KDM4C: variants seen among roughly 807,000 people sequenced by gnomAD.
KDM4C encodes the protein lysine-specific demethylase 4C.
KDM4C carries 81 observed loss-of-function variants against 129.3 expected under a neutral mutation model. The observed-to-expected ratio is 0.63, with a 90% confidence interval of 0.52 to 0.75. The LOEUF (loss-of-function observed/expected upper bound fraction) is 0.75. Among genes scored for constraint, KDM4C ranks in the 30% least tolerant of loss-of-function variants. KDM4C has a pLI of 0.00. For synonymous variants in KDM4C, 573 were observed against 456.1 expected (o/e 1.26, Z -3.26); for missense variants, 1,457 against 1,304.0 (o/e 1.12, Z -1.81).
chr9:7,172,241 C>T lies in KDM4C; in HGVS notation c.2995-2312C>T, dbSNP rs547480584. Among the ~76,000 whole-genome samples the T allele has an allele frequency of 1.3e-4, 20 of 152,262 alleles. No individual in the cohort carries two copies. The East Asian group carries it at 3.7e-3, about 28-fold the overall frequency. On this transcript the variant is annotated intron_variant, in intron 21 of 21. Coordinates refer to ENST00000381309, the MANE Select transcript of KDM4C (RefSeq NM_015061.6). ...TTCGGCTCACCCAGACACACGCTGA[C>T]TGGGGGAGAAACTGTTCAAAAGAGC...
Position 7,149,041 on chromosome 9 carries a change from C to A in KDM4C, c.2782-16197C>A, listed in dbSNP as rs183448336. On this transcript the variant is annotated intron_variant, in intron 19 of 21. Transcript: ENST00000381309. Reference sequence around the variant, plus strand: ...CCCATCCCTCCTAATAACCTGTCTGCCTTTTGCCGTCATCAACTGCCACTT... The same window carrying A: ...CCCATCCCTCCTAATAACCTGTCTGACTTTTGCCGTCATCAACTGCCACTT... Among the ~76,000 whole-genome samples, 133 of 152,232 alleles carry A rather than the reference C, an allele frequency of 8.7e-4. 2 individuals are homozygous for A. The highest frequency in any genetic ancestry group is 3.0e-3 in the African/African-American group (125 of 41,476).
Position 6,907,297 on chromosome 9 carries a change from C to T in KDM4C, c.921+14065C>T, listed in dbSNP as rs114232969. 4.1e-3 allele frequency among the ~76,000 whole-genome samples: 627 copies of T among 152,198 alleles called. 3 individuals carry two copies. The highest frequency in any genetic ancestry group is 0.014 in the African/African-American group (594 of 41,526). On this transcript the variant is annotated intron_variant, in intron 8 of 21. Transcript: ENST00000381309. ...AAGATAAACATGGTTAATGCTATGG[C>T]CAGAGGAATGAACTTGAGATACAGA...
At chr9:6,784,983 T>C (rs574692002) in intron 1 of KDM4C, among the ~76,000 whole-genome samples, 1 of 152,358 alleles carries the variant, frequency 6.6e-6, no homozygotes, top group East Asian at 1.9e-4. Flanking sequence ...GGAGCTTTGC[T>C]GTTGATAAAG....
chr9:6,947,456 TA>T (rs2131460318), intron 8 of KDM4C, among the ~76,000 whole-genome samples: 1 of 152,298 alleles, frequency 6.6e-6, no homozygotes, highest in Admixed American at 6.5e-5. Flanking sequence ...AGGTTAATCA[TA>T]ACTACCAGTC....
chr9:7,147,470 C>A (rs976619309), intron 19 of KDM4C, among the ~76,000 whole-genome samples: 1 of 152,198 alleles, frequency 6.6e-6, no homozygotes, highest in Non-Finnish European at 1.5e-5. Flanking sequence ...TCACCCCAAG[C>A]CTGTCTTTCT....
At chr9:6,744,392 G>GCA (rs1817808562) in intron 1 of KDM4C, among the ~76,000 whole-genome samples, 1 of 152,094 alleles carries the variant, frequency 6.6e-6, no homozygotes, top group Non-Finnish European at 1.5e-5. Flanking sequence ...GGGCATGGTG[G>GCA]CGTGCGCCTG....
At chr9:7,035,495 T>A (rs1827486741) in intron 15 of KDM4C, among the ~76,000 whole-genome samples, 2 of 151,776 alleles carry the variant, frequency 1.3e-5, no homozygotes, top group African/African-American at 4.8e-5. Flanking sequence ...GCTTGATATA[T>A]CCCATTTGTT....
intron 15 of KDM4C, among the ~76,000 whole-genome samples, chr9:7,038,952 A>G (rs1828103269): frequency 6.6e-6 from 1 of 152,016 alleles, no homozygotes. Flanking sequence ...AATATTTTCC[A>G]GAAAACAATT....
chr9:6,757,761 A>T (rs530924759), upstream of KDM4C: 1 of 985,606 alleles, frequency 1.0e-6, no homozygotes, highest in African/African-American at 1.7e-5. Flanking sequence ...TTCTCCTTCT[A>T]CGCGAGTATC....
chr9:6,844,979 C>T (rs147740507), intron 4 of KDM4C, among the ~76,000 whole-genome samples: 114 of 152,248 alleles, frequency 7.5e-4, no homozygotes, highest in Middle Eastern at 3.4e-3. Flanking sequence ...TGTGCCACTG[C>T]GCCCAGCCTA....
At chr9:6,886,300 A>G (rs752913043) in intron 6 of KDM4C, among the ~76,000 whole-genome samples, 1 of 150,958 alleles carries the variant, frequency 6.6e-6, no homozygotes, top group Non-Finnish European at 1.5e-5. Context: ...CTCATGTTTT[A>G]TTGAACTTCC....
chr9:7,104,809 T>A (rs551461221), intron 18 of KDM4C, among the ~76,000 whole-genome samples: 27 of 152,330 alleles, frequency 1.8e-4, no homozygotes, highest in Admixed American at 3.3e-4. Context: ...TAACCTCTTG[T>A]GAGCAGCCTG....
intron 1 of KDM4C, among the ~76,000 whole-genome samples, chr9:6,778,993 A>T (rs57366002): frequency 0.099 from 14,282 of 144,486 alleles, 825 homozygotes; most frequent in Non-Finnish European, 0.11. Context: ...AAGTGCTGGG[A>T]TTACAGGCCT....
intron 8 of KDM4C, among the ~76,000 whole-genome samples, chr9:6,949,543 T>TG (rs1369696355): frequency 6.6e-6 from 1 of 152,230 alleles, no homozygotes; most frequent in African/African-American, 2.4e-5. Context: ...CCCTCCAGCC[T>TG]GGGCACCATT....
intron 19 of KDM4C, among the ~76,000 whole-genome samples, chr9:7,138,439 G>C (rs1841429171): frequency 6.6e-6 from 1 of 152,150 alleles, no homozygotes; most frequent in Non-Finnish European, 1.5e-5. Flanking sequence ...ACAATATGTT[G>C]AATAATGTTA....
intron 5 of KDM4C, among the ~76,000 whole-genome samples, chr9:6,868,956 AAT>A (rs1202729463): frequency 6.6e-6 from 1 of 152,158 alleles, no homozygotes; most frequent in Non-Finnish European, 1.5e-5. Flanking sequence ...GGTAATATAA[AAT>A]ATATTATTTC....
intron 8 of KDM4C, among the ~76,000 whole-genome samples, chr9:6,926,087 T>C: frequency 6.6e-6 from 1 of 151,994 alleles, no homozygotes; most frequent in Non-Finnish European, 1.5e-5. Context: ...GTGCTGGCGA[T>C]GGTGAAAGTC....
At chr9:6,878,543 G>A (rs572050777) in intron 5 of KDM4C, among the ~76,000 whole-genome samples, 1 of 152,296 alleles carries the variant, frequency 6.6e-6, no homozygotes, top group African/African-American at 2.4e-5. Context: ...CAGAGTAGGA[G>A]TAGAGCCATC....
chr9:6,747,054 G>A (rs1459140375), intron 1 of KDM4C, among the ~76,000 whole-genome samples: 6 of 150,092 alleles, frequency 4.0e-5, no homozygotes, highest in African/African-American at 1.5e-4. Flanking sequence ...TTAGTCAGGT[G>A]TGGTGGTGCA....
Sources: allele counts gnomAD v4.1 joint callset (sites outside exome capture counted in the v4.1 genomes callset), GRCh38; gene constraint gnomAD v4.1.1; transcripts MANE v1.5; gene names NCBI Gene and HGNC (gene_info 2026-07-23, HGNC 2026-07-21).